Variants in DOCK8 observed in about 807,000 individuals in gnomAD.
DOCK8 encodes dedicator of cytokinesis 8.
Under a neutral mutation model 245.6 loss-of-function variants are expected in DOCK8, and 141 were observed. That is an observed-to-expected ratio of 0.57 (90% confidence interval 0.50 to 0.66). DOCK8 has a LOEUF of 0.66. Ranked by LOEUF, DOCK8 falls within the 30% of genes least tolerant of loss-of-function variation. The probability of loss-of-function intolerance (pLI) is 0.00; values close to 1 mark genes in which losing one functional copy is unlikely to be tolerated. For missense variants in DOCK8, 2,965 were observed against 2,603.4 expected, an observed-to-expected ratio of 1.14 and a Z score of -3.02; for synonymous variants, 1,168 against 970.2, an observed-to-expected ratio of 1.20 and a Z score of -3.79.
intron 37 of DOCK8, 47 bp from the exon 38 acceptor site, chr9:433,828 C>A: frequency 6.8e-7 from 1 of 1,469,088 alleles, no homozygotes; most frequent in Non-Finnish European, 9.5e-7. Context: ...AACTCTTCAC[C>A]TGGGACTACA....
chr9:290,186 C>T (rs996832652), intron 4 of DOCK8, among the ~76,000 whole-genome samples: 1 of 152,134 alleles, frequency 6.6e-6, no homozygotes, highest in Non-Finnish European at 1.5e-5. Context: ...TGCCCAACCC[C>T]TAGCCCGTGG....
chr9:276,523 G>T (rs558588597), intron 2 of DOCK8, among the ~76,000 whole-genome samples: 4 of 148,038 alleles, frequency 2.7e-5, no homozygotes, highest in African/African-American at 1.1e-4. Context: ...TTAGTATGAA[G>T]GGGATCCATC....
In DOCK8 at chr9:428,507, G is replaced by A. The variant is rs2056584021; in HGVS notation, c.4473+11G>A. 6.2e-7 allele frequency: 1 copy of A among 1,613,952 alleles called. No homozygotes were observed. The highest frequency in any genetic ancestry group is 8.5e-7 in the Non-Finnish European group (1 of 1,180,000). On this transcript the variant is annotated intron_variant, in intron 35 of 47. Transcript: ENST00000432829. Reference sequence around the variant, plus strand: ...GCTCTCATCGCCAAGGTAAACTTGGGATGCTTGTTTTCTTCCTCTTAATTA... The same window carrying A: ...GCTCTCATCGCCAAGGTAAACTTGGAATGCTTGTTTTCTTCCTCTTAATTA...
Position 276,682 on chromosome 9 carries a change from C to G in DOCK8, c.156+4953C>G, listed in dbSNP as rs181550467. Among the ~76,000 whole-genome samples, 21 of 152,100 alleles carry G rather than the reference C, an allele frequency of 1.4e-4. No homozygotes were observed. The East Asian group carries it at 3.9e-3, about 28-fold the overall frequency. On this transcript the variant is annotated intron_variant, in intron 2 of 47. Coordinates refer to ENST00000432829, the MANE Select transcript of DOCK8 (RefSeq NM_203447.4). Reference sequence around the variant, plus strand: ...ACTCACTTATTGGCTTTGGCATTCTCTATTGCCACAGCTGTGTGAATAGAT... The same window carrying G: ...ACTCACTTATTGGCTTTGGCATTCTGTATTGCCACAGCTGTGTGAATAGAT...
At chr9:446,131 G>A (rs915020718) in intron 43 of DOCK8, among the ~76,000 whole-genome samples, 8 of 152,230 alleles carry the variant, frequency 5.3e-5, no homozygotes, top group African/African-American at 1.4e-4. Context: ...AGGAAGGTGC[G>A]GCCGGTGGCC....
At chr9:319,766 C>T (rs144447730) in intron 7 of DOCK8, among the ~76,000 whole-genome samples, 2 of 150,252 alleles carry the variant, frequency 1.3e-5, no homozygotes, top group East Asian at 1.9e-4. Context: ...CCTGCCAATT[C>T]TGCAAATGTT....
rs763459128 is a variant in DOCK8 at position 382,614 on chromosome 9, A to G, written c.2707A>G (p.Ser903Gly). 83 of 1,614,210 alleles carry G rather than the reference A, an allele frequency of 5.1e-5. No homozygotes were observed. The highest frequency in any genetic ancestry group is 1.2e-4 in the South Asian group (11 of 91,080). Residue 903 changes from serine to glycine, a missense_variant, in exon 22 of 48, where the codon AGC (serine) becomes GGC (glycine). Ser to Gly is a moderately conservative substitution (Grantham distance 56). Around this residue, in one of 3 missense-constraint regions of DOCK8, gnomAD observed 2,825 missense variants for 2,453.5 expected, o/e 1.15. Coordinates refer to ENST00000432829, the MANE Select transcript of DOCK8 (RefSeq NM_203447.4). The part of the protein sequence containing the change: ...SKLLQARVMS[S>G]SNPDLAGTHS... ...GCTGCTGCAGGCCCGGGTGATGAGC[A>G]GCAGTAACCCAGACCTCGCGGGGAC... is the stretch of plus-strand genomic sequence containing the variant.
intron 24 of DOCK8, among the ~76,000 whole-genome samples, chr9:395,580 C>G (rs12340453): frequency 6.6e-6 from 1 of 150,710 alleles, no homozygotes; most frequent in Admixed American, 6.7e-5. Context: ...CAGTGGCTGT[C>G]TGACTAATCT....
At chr9:289,809 A>G (rs544492187) in intron 4 of DOCK8, among the ~76,000 whole-genome samples, 2 of 152,278 alleles carry the variant, frequency 1.3e-5, no homozygotes, top group Middle Eastern at 3.4e-3. Context: ...CTGAGCCAAT[A>G]TGGATATGTT....
intron 1 of DOCK8, among the ~76,000 whole-genome samples, chr9:225,242 G>C (rs997595040): frequency 3.3e-5 from 5 of 152,120 alleles, no homozygotes; most frequent in African/African-American, 7.2e-5. Flanking sequence ...GGCTGGGGAG[G>C]GGTAAGGACA....
Position 286,509 on chromosome 9 carries a change from A to T in DOCK8, c.205A>T (p.Met69Leu), listed in dbSNP as rs2048829373. 6.2e-7 allele frequency: 1 copy of T among 1,613,878 alleles called. No homozygotes were observed. The change falls in exon 3 of 48, where the codon ATG (methionine) becomes TTG (leucine). Residue 69 changes from methionine to leucine, a missense_variant. By Grantham distance (15) the Met-to-Leu change is conservative. Transcript: ENST00000432829. ...GCCAGTGGACTTTGAAGGACTTCTG[A>T]TGACACACCTGAACAGCCTGGATGT... is the stretch of plus-strand genomic sequence containing the variant. ...VEPVDFEGLLMTHLNSLDVQL... is the reference protein window; with the variant it reads ...VEPVDFEGLLLTHLNSLDVQL...
At chr9:393,887 G>A (rs1316784163) in intron 24 of DOCK8, among the ~76,000 whole-genome samples, 4 of 152,196 alleles carry the variant, frequency 2.6e-5, no homozygotes, top group African/African-American at 9.7e-5. Flanking sequence ...GGGAGGTTCA[G>A]GGGCCAATGA....
intron 39 of DOCK8, 95 bp downstream of exon 39, chr9:435,070 A>G (rs2056853044): frequency 2.0e-6 from 3 of 1,466,708 alleles, no homozygotes; most frequent in East Asian, 2.4e-5. Flanking sequence ...GTCTAGATAC[A>G]TTTTTGGTTA....
rs1284471323 is a variant in DOCK8 at position 328,066 on chromosome 9, A to G, written c.939A>G (p.Lys313=). 6.2e-7 allele frequency: 1 copy of G among 1,614,212 alleles called. No individual in the cohort carries two copies. Among genetic ancestry groups the G allele is most frequent in the Admixed American group, 1.7e-5 (1 of 60,022 alleles). ...FHCDLNSDQF[K]GFLRAHTPSV... ...GTGACCTGAACTCTGACCAGTTCAA[A>G]GGATTTCTGCGAGCTCACACGCCTT... The change falls in exon 9 of 48, where the codon AAA becomes AAG. Residue 313 remains lysine (K), a synonymous_variant. Transcript: ENST00000432829.
chr9:220,079 G>C (rs1019853891), intron 1 of DOCK8, among the ~76,000 whole-genome samples: 2 of 152,204 alleles, frequency 1.3e-5, no homozygotes, highest in Non-Finnish European at 2.9e-5. Flanking sequence ...TCAGTAGTGG[G>C]GGTGGCTGGC....
chr9:328,266 C>G, intron 9 of DOCK8, 95 bp downstream of exon 9: 1 of 1,418,478 alleles, frequency 7.0e-7, no homozygotes, highest in Non-Finnish European at 9.7e-7. Flanking sequence ...CAGAATGTGT[C>G]CACATATCCT....
chr9:400,232 C>G (rs1272243159), intron 26 of DOCK8, among the ~76,000 whole-genome samples: 1 of 102,070 alleles, frequency 9.8e-6, no homozygotes, highest in Non-Finnish European at 2.1e-5. Context: ...ACCACCTCCA[C>G]CATCACCACC....
intron 29 of DOCK8, among the ~76,000 whole-genome samples, chr9:417,368 C>G (rs749794054): frequency 6.6e-6 from 1 of 152,160 alleles, no homozygotes; most frequent in Non-Finnish European, 1.5e-5. Context: ...TCAAATTTTT[C>G]TAAATAATTG....
At chr9:212,124 G>A (rs1587585815), upstream of DOCK8, among the ~76,000 whole-genome samples, 1 of 152,204 alleles carries the variant, frequency 6.6e-6, no homozygotes, top group East Asian at 1.9e-4. Context: ...TATGTGTGGG[G>A]GGGTTAATGT....
Sources: gnomAD v4.1 joint callset for allele counts (sites outside exome capture counted in the v4.1 genomes callset) on GRCh38, gnomAD v4.1.1 for gene constraint, gnomAD v4.1.1 regional missense constraint, MANE v1.5 for transcripts, NCBI Gene and HGNC (gene_info 2026-07-23, HGNC 2026-07-21) for gene names.